The following ARHGAP18 variants were observed in gnomAD, a reference collection of about 807,000 sequenced individuals.
ARHGAP18 encodes rho GTPase-activating protein 18.
Under a neutral mutation model 86.2 loss-of-function variants are expected in ARHGAP18, and 67 were observed. The ratio of observed to expected loss-of-function variants is 0.78; its 90% CI spans 0.64 to 0.95. ARHGAP18 has a LOEUF of 0.95. Among genes scored for constraint, ARHGAP18 ranks in the 40% least tolerant of loss-of-function variants. The pLI, the probability that ARHGAP18 is intolerant of heterozygous loss-of-function variation, is 0.00. For missense variants in ARHGAP18, 691 were observed against 780.4 expected, an observed-to-expected ratio of 0.89 and a Z score of 1.37; for synonymous variants, 283 against 280.4, an observed-to-expected ratio of 1.01 and a Z score of -0.09.
At chr6:129,676,754 G>A (rs1043797857) in intron 1 of ARHGAP18, among the ~76,000 whole-genome samples, 3 of 151,762 alleles carry the variant, frequency 2.0e-5, no homozygotes, top group South Asian at 4.2e-4. Context: ...TCACTTTACC[G>A]CTCCAACCTG....
chr6:129,708,125 C>T (rs1015301882), intron 1 of ARHGAP18, among the ~76,000 whole-genome samples: 3 of 152,134 alleles, frequency 2.0e-5, no homozygotes, highest in South Asian at 2.1e-4. Flanking sequence ...TTATCTGATT[C>T]GTTAGCCCTT....
intron 12 of ARHGAP18, among the ~76,000 whole-genome samples, chr6:129,588,990 C>A (rs1217092772): frequency 6.6e-6 from 1 of 152,216 alleles, no homozygotes; most frequent in Non-Finnish European, 1.5e-5. Context: ...TTCAGGGCAC[C>A]ATGTCCTGAG....
At chr6:129,680,703 T>C (rs1448237142) in intron 1 of ARHGAP18, among the ~76,000 whole-genome samples, 2 of 152,236 alleles carry the variant, frequency 1.3e-5, no homozygotes, top group Non-Finnish European at 2.9e-5. Flanking sequence ...CCAGATCGTT[T>C]CCAGAACTGG....
At position 129,691,461 on chromosome 6, in the gene ARHGAP18, T is replaced by C. The variant is rs538793621; in HGVS notation, c.113+18563A>G. On this transcript the variant is annotated intron_variant, in intron 1 of 14. Coordinates refer to ENST00000368149, the MANE Select transcript of ARHGAP18 (RefSeq NM_033515.3). ...AGTAAGCAGTTTTTTCCTAATAAAA[T>C]TCACTTCCAATCATTTCTTCAAGAT... 9.2e-5 allele frequency among the ~76,000 whole-genome samples: 14 copies of C among 152,206 alleles called. 1 individual carries two copies. The highest frequency in any genetic ancestry group is 6.2e-4 in the South Asian group (3 of 4,830).
At chr6:129,674,911 A>G (rs1774204698) in intron 1 of ARHGAP18, among the ~76,000 whole-genome samples, 1 of 152,172 alleles carries the variant, frequency 6.6e-6, no homozygotes, top group African/African-American at 2.4e-5. Flanking sequence ...TTATTTCACA[A>G]ATTTCATTTT....
chr6:129,657,458 T>C (rs1043615513), intron 1 of ARHGAP18, among the ~76,000 whole-genome samples: 2 of 149,420 alleles, frequency 1.3e-5, no homozygotes, highest in African/African-American at 2.5e-5. Context: ...ACTTAATACA[T>C]GTTGGGCCAG....
chr6:129,599,807 T>TGATA (rs1243414157), intron 11 of ARHGAP18, among the ~76,000 whole-genome samples: 4 of 152,158 alleles, frequency 2.6e-5, no homozygotes, highest in African/African-American at 9.6e-5. Context: ...AAACAAGAGC[T>TGATA]GATAGGTAGC....
intron 1 of ARHGAP18, among the ~76,000 whole-genome samples, chr6:129,666,301 C>A (rs1366907418): frequency 6.6e-6 from 1 of 152,226 alleles, no homozygotes; most frequent in African/African-American, 2.4e-5. Context: ...CCAGAATGAG[C>A]GCTCAGATGC....
intron 1 of ARHGAP18, among the ~76,000 whole-genome samples, chr6:129,664,716 T>C (rs186187269): frequency 1.3e-5 from 2 of 152,332 alleles, no homozygotes; most frequent in African/African-American, 4.8e-5. Flanking sequence ...GATTTAGTAG[T>C]GAACAAAACA....
intron 10 of ARHGAP18, among the ~76,000 whole-genome samples, chr6:129,604,370 A>G (rs1171663097): frequency 1.3e-5 from 2 of 152,172 alleles, no homozygotes; most frequent in Non-Finnish European, 2.9e-5. Flanking sequence ...CACCCAAAGC[A>G]GCCATATTGA....
chr6:129,686,189 G>A (rs1038110338), intron 1 of ARHGAP18, among the ~76,000 whole-genome samples: 5 of 152,082 alleles, frequency 3.3e-5, no homozygotes, highest in African/African-American at 1.2e-4. Context: ...TTTCCCAGCA[G>A]GGCCGTTCAT....
intron 1 of ARHGAP18, among the ~76,000 whole-genome samples, chr6:129,694,400 G>A (rs1490433525): frequency 1.3e-5 from 2 of 152,102 alleles, no homozygotes; most frequent in Non-Finnish European, 2.9e-5. Flanking sequence ...CAGCCTGAAT[G>A]GGTTGCTATG....
chr6:129,637,541 G>A (rs1773359189), intron 3 of ARHGAP18, among the ~76,000 whole-genome samples: 1 of 152,096 alleles, frequency 6.6e-6, no homozygotes, highest in Non-Finnish European at 1.5e-5. Context: ...CATATCTTCC[G>A]TTCATCCTAA....
chr6:129,600,322 A>G (rs1345423985), intron 11 of ARHGAP18, among the ~76,000 whole-genome samples: 1 of 152,204 alleles, frequency 6.6e-6, no homozygotes, highest in Non-Finnish European at 1.5e-5. Flanking sequence ...TACAAAATGC[A>G]TGCATCCCTT....
At chr6:129,587,257 C>T (rs1309909511) in intron 12 of ARHGAP18, among the ~76,000 whole-genome samples, 1 of 152,088 alleles carries the variant, frequency 6.6e-6, no homozygotes, top group Non-Finnish European at 1.5e-5. Context: ...ATGGTATTCC[C>T]TCCACTACCA....
intron 4 of ARHGAP18, among the ~76,000 whole-genome samples, chr6:129,633,053 C>T (rs1773251570): frequency 6.6e-6 from 1 of 152,156 alleles, no homozygotes; most frequent in African/African-American, 2.4e-5. Flanking sequence ...AATCTATTAA[C>T]TTCACTTAGA....
rs140602995 is a variant in ARHGAP18 at position 129,606,620 on chromosome 6, G to A, written c.1283-661C>T. Among the ~76,000 whole-genome samples the A allele has an allele frequency of 1.3e-5, 2 of 152,204 alleles. 1 individual carries two copies. Among genetic ancestry groups the A allele is most frequent in the Admixed American group, 1.3e-4 (2 of 15,284 alleles). ...GTCCTTTAATCCATATCCAGGAAAT[G>A]TATGCAACGTAGCACAATTTAAACA... On this transcript the variant is annotated intron_variant, in intron 9 of 14. Coordinates refer to ENST00000368149, the MANE Select transcript of ARHGAP18 (RefSeq NM_033515.3).
At chr6:129,690,138 T>C (rs1276031657) in intron 1 of ARHGAP18, among the ~76,000 whole-genome samples, 2 of 151,978 alleles carry the variant, frequency 1.3e-5, no homozygotes, top group East Asian at 3.9e-4. Context: ...TGTGTGTGTG[T>C]GTGTGTATGT....
chr6:129,668,884 A>T (rs1203894007), intron 1 of ARHGAP18, among the ~76,000 whole-genome samples: 1 of 152,154 alleles, frequency 6.6e-6, no homozygotes, highest in Non-Finnish European at 1.5e-5. Flanking sequence ...AAGTCCAACA[A>T]CCTTGCTGCT....
Sources: gnomAD v4.1 joint callset for allele counts (sites outside exome capture counted in the v4.1 genomes callset) on GRCh38, gnomAD v4.1.1 for gene constraint, MANE v1.5 for transcripts, NCBI Gene and HGNC (gene_info 2026-07-23, HGNC 2026-07-21) for gene names.